Variants in CLEC17A observed in about 807,000 individuals in gnomAD.
CLEC17A encodes C-type lectin domain family 17, member A.
A neutral mutation model predicts 61.3 loss-of-function variants in CLEC17A; 37 were observed. The ratio of observed to expected loss-of-function variants is 0.60; its 90% CI spans 0.46 to 0.79. The LOEUF is 0.79. Ranked by LOEUF, CLEC17A falls within the 30% of genes least tolerant of loss-of-function variation. The pLI, the probability that CLEC17A is intolerant of heterozygous loss-of-function variation, is 0.00. For synonymous variants in CLEC17A, 168 were observed against 164.9 expected (o/e 1.02, Z -0.14); for missense variants, 418 against 464.7 (o/e 0.90, Z 0.92).
At chr19:14,598,744 G>A (rs2074623383) in intron 10 of CLEC17A, among the ~76,000 whole-genome samples, 1 of 152,092 alleles carries the variant, frequency 6.6e-6, no homozygotes, top group South Asian at 2.1e-4. Context: ...CAAAGTTCTG[G>A]GATTATGGGC....
intron 12 of CLEC17A, among the ~76,000 whole-genome samples, chr19:14,605,301 G>A (rs1338588917): frequency 6.6e-6 from 1 of 151,974 alleles, no homozygotes; most frequent in Non-Finnish European, 1.5e-5. Flanking sequence ...TTGCCACGTT[G>A]GCCAAGCTGG....
intron 12 of CLEC17A, among the ~76,000 whole-genome samples, chr19:14,604,685 C>A (rs920458295): frequency 2.6e-5 from 4 of 151,780 alleles, no homozygotes; most frequent in African/African-American, 9.7e-5. Flanking sequence ...ATCGCTTGAA[C>A]CTGCGAGGCG....
At chr19:14,601,854 G>T (rs756646442) in intron 12 of CLEC17A, among the ~76,000 whole-genome samples, 3 of 151,924 alleles carry the variant, frequency 2.0e-5, no homozygotes, top group Non-Finnish European at 2.9e-5. Flanking sequence ...GTGCAGTGGC[G>T]CGATCTCGGC....
intron 2 of CLEC17A, among the ~76,000 whole-genome samples, chr19:14,587,257 GTGTGTT>G (rs909973838): frequency 3.1e-4 from 44 of 143,314 alleles, no homozygotes; most frequent in South Asian, 8.4e-4. Flanking sequence ...GTGTGTGTGT[GTGTGTT>G]TGTGTTTGTG....
At position 14,587,735 on chromosome 19, in the gene CLEC17A, C is replaced by T. The variant is rs758909679; in HGVS notation, c.199+44C>T. 7.7e-5 allele frequency: 124 copies of T among 1,609,078 alleles called. 2 individuals are homozygous for T. The Middle Eastern group carries it at 3.8e-3, about 49-fold the overall frequency. On this transcript the variant is annotated intron_variant, in intron 3 of 13. Coordinates refer to ENST00000417570, the MANE Select transcript of CLEC17A (RefSeq NM_001204118.2). ...GTGTGACCTGGGGGAATACAGGGAA[C>T]GGGGTCTCCAGTGGGCATTGGTTGG...
At chr19:14,584,083 A>AACAAG (rs1555742670) in intron 2 of CLEC17A, 2 of 144,690 alleles carry the variant, frequency 1.4e-5, no homozygotes, top group African/African-American at 5.5e-5. Flanking sequence ...AAAAAAAAAA[A>AACAAG]TAGAGGTTTG....
At position 14,606,871 on chromosome 19, in the gene CLEC17A, G is replaced by C. The variant is rs1437870620; in HGVS notation, c.895-122G>C. On this transcript the variant is annotated intron_variant, in intron 12 of 13. Coordinates refer to ENST00000417570, the MANE Select transcript of CLEC17A (RefSeq NM_001204118.2). Reference sequence around the variant, plus strand: ...ATCCTGTTCTGCATACCATGGGGACGGGGACGGGTTGTGGGAGGTGACGTT... The same window carrying C: ...ATCCTGTTCTGCATACCATGGGGACCGGGACGGGTTGTGGGAGGTGACGTT... 2.5e-5 allele frequency: 9 copies of C among 366,624 alleles called. 1 individual carries two copies. Among genetic ancestry groups the C allele is most frequent in the African/African-American group, 1.1e-4 (5 of 47,580 alleles). 22.7% of individuals were successfully genotyped at this position (366,624 alleles called of 1,614,324 possible). A position where few individuals can be genotyped will look rare whatever the true frequency, so the allele number is the denominator to read the frequency against.
intron 2 of CLEC17A, chr19:14,584,085 A>AAAAAG (rs2074230638): frequency 6.9e-6 from 1 of 144,194 alleles, no homozygotes; most frequent in African/African-American, 2.5e-5. Flanking sequence ...AAAAAAAAAT[A>AAAAAG]GAGGTTTGGG....
intron 10 of CLEC17A, 57 bp from the exon 11 acceptor site, chr19:14,599,660 G>A (rs1270034487): frequency 1.6e-6 from 2 of 1,246,106 alleles, no homozygotes; most frequent in Admixed American, 1.8e-5. Flanking sequence ...GCAGTCCGTG[G>A]TGGATGGGTA....
chr19:14,586,552 GC>G (rs2074285828), intron 2 of CLEC17A, among the ~76,000 whole-genome samples: 1 of 151,986 alleles, frequency 6.6e-6, no homozygotes, highest in Non-Finnish European at 1.5e-5. Flanking sequence ...CCTCCTGATA[GC>G]TGGGACTACT....
chr19:14,600,037 G>A lies in CLEC17A; in HGVS notation c.749G>A (p.Arg250His), dbSNP rs776032874. 1.3e-5 allele frequency: 21 copies of A among 1,613,686 alleles called. No homozygotes were observed. The highest frequency in any genetic ancestry group is 2.7e-5 in the African/African-American group (2 of 74,924). Residue 250 changes from arginine to histidine, a missense_variant, in exon 12 of 14, where the codon CGC becomes CAC. Transcript: ENST00000417570. ...LVELWGLLDC[R>H]RITCPEGWLP... ...CATTCTGTCTGGTTCCCAGACTGCC[G>A]CCGAATTACCTGTCCTGAAGGCTGG...
rs2074437960 is a variant in CLEC17A at position 14,592,265 on chromosome 19, GCCTTTCC to G, written c.200-12_200-6del. On this transcript the variant is annotated splice_polypyrimidine_tract_variant and intron_variant, in intron 3 of 13. Coordinates refer to ENST00000417570, the MANE Select transcript of CLEC17A (RefSeq NM_001204118.2). ...GGAGGGAATGGCTGGGCTCTGACTT[GCCTTTCC>G]CCTGGAAGGGACCATGGAGGAGGAG... 1 of 1,579,054 alleles carries G rather than the reference GCCTTTCC, an allele frequency of 6.3e-7. No homozygotes were observed. Among genetic ancestry groups the G allele is most frequent in the African/African-American group, 1.4e-5 (1 of 74,002 alleles).
At chr19:14,586,600 T>A (rs1453728372) in intron 2 of CLEC17A, among the ~76,000 whole-genome samples, 2 of 95,488 alleles carry the variant, frequency 2.1e-5, no homozygotes, top group Non-Finnish European at 3.7e-5. Context: ...TTTTTCTAAA[T>A]TTTTTTTACA....
chr19:14,593,794 A>G (rs2074479587), intron 4 of CLEC17A, among the ~76,000 whole-genome samples: 1 of 150,874 alleles, frequency 6.6e-6, no homozygotes, highest in Admixed American at 6.6e-5. Context: ...CCCCGTCTCT[A>G]TTAAAAAAAT....
chr19:14,592,963 G>A (rs1018873628), intron 4 of CLEC17A, among the ~76,000 whole-genome samples: 4 of 152,056 alleles, frequency 2.6e-5, no homozygotes, highest in African/African-American at 9.7e-5. Context: ...ACCACGCCTG[G>A]CCGAGCAGAC....
Position 14,610,217 on chromosome 19 carries a change from G to A in CLEC17A, c.*21G>A. On this transcript the variant is annotated 3_prime_UTR_variant, in exon 14 of 14. Coordinates refer to ENST00000417570, the MANE Select transcript of CLEC17A (RefSeq NM_001204118.2). ...GTTGAAGCCCAGGGCCGAGGCTGGG[G>A]GTCCATATCTGAGTGTCTCTTTGAG... 6.5e-7 allele frequency: 1 copy of A among 1,550,026 alleles called. No individual in the cohort carries two copies. Among genetic ancestry groups the A allele is most frequent in the African/African-American group, 1.4e-5 (1 of 73,282 alleles).
chr19:14,595,558 T>A (rs2146699585), intron 8 of CLEC17A, among the ~76,000 whole-genome samples: 1 of 152,310 alleles, frequency 6.6e-6, no homozygotes, highest in East Asian at 1.9e-4. Context: ...TATGTGGTTG[T>A]TTTGTTTTTG....
chr19:14,611,444 C>A lies in CLEC17A; in HGVS notation c.*1248C>A, dbSNP rs536318020. On this transcript the variant is annotated 3_prime_UTR_variant, in exon 14 of 14. Coordinates refer to ENST00000417570, the MANE Select transcript of CLEC17A (RefSeq NM_001204118.2). Reference sequence around the variant, plus strand: ...CCAGGCTGGAGTGCAGTGGCACAATCATAGCTTACTGCACCCTCTGCCTCC... The same window carrying A: ...CCAGGCTGGAGTGCAGTGGCACAATAATAGCTTACTGCACCCTCTGCCTCC... Among the ~76,000 whole-genome samples the A allele has an allele frequency of 1.5e-5, 2 of 133,196 alleles. No individual in the cohort carries two copies. Among genetic ancestry groups the A allele is most frequent in the Non-Finnish European group, 3.1e-5 (2 of 64,702 alleles). The allele number at this position is 133,196 out of a possible 152,430, so 87.4% of individuals were successfully genotyped here. A position where few individuals can be genotyped will look rare whatever the true frequency, so the allele number is the denominator to read the frequency against.
chr19:14,586,219 G>C (rs2074275066), intron 2 of CLEC17A, among the ~76,000 whole-genome samples: 1 of 151,082 alleles, frequency 6.6e-6, no homozygotes, highest in Non-Finnish European at 1.5e-5. Context: ...TCTGCCTCCC[G>C]GGTTCAAGTG....
Sources: allele counts gnomAD v4.1 joint callset (sites outside exome capture counted in the v4.1 genomes callset), GRCh38; gene constraint gnomAD v4.1.1; transcripts MANE v1.5; gene names NCBI Gene and HGNC (gene_info 2026-07-23, HGNC 2026-07-21).